Variants in ERC2 observed in about 807,000 individuals in gnomAD.
ERC2 encodes the protein ERC protein 2.
In ERC2, 42 loss-of-function variants were observed where a neutral mutation model predicts 114.8. The ratio of observed to expected loss-of-function variants is 0.37; its 90% CI spans 0.29 to 0.47. The LOEUF (loss-of-function observed/expected upper bound fraction) is 0.47, where lower values mean the gene tolerates loss of function less well. Ranked by LOEUF, ERC2 falls within the 20% of genes least tolerant of loss-of-function variation. The pLI is 0.99. For synonymous variants in ERC2, 454 were observed against 425.5 expected, an observed-to-expected ratio of 1.07 and a Z score of -0.82; for missense variants, 939 against 1,150.7, an observed-to-expected ratio of 0.82 and a Z score of 2.66.
chr3:56,293,310 C>T (rs1427939714), intron 3 of ERC2, among the ~76,000 whole-genome samples: 1 of 152,190 alleles, frequency 6.6e-6, no homozygotes, highest in African/African-American at 2.4e-5. Context: ...TATCCTCTTG[C>T]TGTATTAGAG....
At chr3:56,061,899 GA>G (rs1452894174) in intron 7 of ERC2, among the ~76,000 whole-genome samples, 1 of 152,052 alleles carries the variant, frequency 6.6e-6, no homozygotes, top group Admixed American at 6.6e-5. Context: ...TAATGCAAAG[GA>G]AAATTAGCTG....
rs537637512 is a variant in ERC2 at position 55,750,304 on chromosome 3, T to G, written c.2565-15386A>C. 2.6e-5 allele frequency among the ~76,000 whole-genome samples: 4 copies of G among 152,336 alleles called. No individual in the cohort carries two copies. In the South Asian group the frequency reaches 8.3e-4, roughly 32 times the overall value. ...ATGTATAAGCAAGGCATAAGTAAAG[T>G]ACGTTGTTTCATTTAGTCTGCTCAA... On this transcript the variant is annotated intron_variant, in intron 14 of 17. Coordinates refer to ENST00000288221, the MANE Select transcript of ERC2 (RefSeq NM_015576.3).
chr3:56,214,681 C>T (rs1575869675), intron 3 of ERC2, among the ~76,000 whole-genome samples: 2 of 152,028 alleles, frequency 1.3e-5, no homozygotes, highest in African/African-American at 4.8e-5. Context: ...AACTCCAAGA[C>T]ACATAATTGT....
At chr3:56,383,063 T>C (rs773934130) in intron 2 of ERC2, among the ~76,000 whole-genome samples, 1 of 152,066 alleles carries the variant, frequency 6.6e-6, no homozygotes, top group Non-Finnish European at 1.5e-5. Context: ...TCAGTAAATC[T>C]ACCCAGCTTT....
intron 2 of ERC2, among the ~76,000 whole-genome samples, chr3:56,398,626 G>A (rs2060404523): frequency 6.6e-6 from 1 of 151,378 alleles, no homozygotes; most frequent in African/African-American, 2.4e-5. Context: ...TATATATATA[G>A]TTTGTTTGTT....
intron 16 of ERC2, among the ~76,000 whole-genome samples, chr3:55,698,851 C>T (rs763473928): frequency 2.0e-5 from 3 of 152,140 alleles, no homozygotes; most frequent in East Asian, 1.9e-4. Context: ...TTTTCACATG[C>T]GTTACTTAGT....
rs1367911530 is a variant in ERC2 at position 56,020,650 on chromosome 3, A to G, written c.1642-1619T>C. On this transcript the variant is annotated intron_variant, in intron 7 of 17. Transcript: ENST00000288221. ...CTGACTCTTGGAAACAGTGTATGTT[A>G]TTACTTTGAATACACCCATGGATAC... Among the ~76,000 whole-genome samples the G allele has an allele frequency of 2.0e-5, 3 of 152,198 alleles. No homozygotes were observed. The East Asian group carries it at 5.8e-4, about 29-fold the overall frequency.
chr3:56,268,129 A>G (rs547783283), intron 3 of ERC2, among the ~76,000 whole-genome samples: 39 of 152,352 alleles, frequency 2.6e-4, no homozygotes, highest in African/African-American at 8.7e-4. Flanking sequence ...CACTAGTACC[A>G]TATGATTATA....
In ERC2 at chr3:56,012,991, C is replaced by G. The variant is rs189251393; in HGVS notation, c.1780-2402G>C. Among the ~76,000 whole-genome samples the G allele has an allele frequency of 1.5e-4, 23 of 152,278 alleles. No individual in the cohort carries two copies. The East Asian group carries it at 4.1e-3, about 27-fold the overall frequency. The stretch of plus-strand genomic sequence containing the variant: ...AGGGTGGGAACTAAATTACAGTGGC[C>G]TCCAGCTCCACTATCTGGCTTTCTC... On this transcript the variant is annotated intron_variant, in intron 8 of 17. Coordinates refer to ENST00000288221, the MANE Select transcript of ERC2 (RefSeq NM_015576.3).
At chr3:56,214,193 C>T (rs2049284656) in intron 3 of ERC2, among the ~76,000 whole-genome samples, 1 of 152,148 alleles carries the variant, frequency 6.6e-6, no homozygotes, top group Admixed American at 6.5e-5. Flanking sequence ...TCAAACTTCT[C>T]CGAGCTAAAG....
intron 2 of ERC2, among the ~76,000 whole-genome samples, chr3:56,299,743 T>G (rs2055736708): frequency 1.3e-5 from 2 of 152,192 alleles, no homozygotes; most frequent in South Asian, 4.1e-4. Context: ...ATTTAAATAT[T>G]CTTGACCATG....
chr3:56,323,503 C>T (rs1051424571), intron 2 of ERC2, among the ~76,000 whole-genome samples: 7 of 152,168 alleles, frequency 4.6e-5, no homozygotes, highest in African/African-American at 1.7e-4. Flanking sequence ...ACTGCAGCCT[C>T]ATGAAGGACC....
intron 17 of ERC2, among the ~76,000 whole-genome samples, chr3:55,533,667 G>A (rs576776866): frequency 6.6e-6 from 1 of 152,320 alleles, no homozygotes; most frequent in African/African-American, 2.4e-5. Flanking sequence ...TGGGGCTGGT[G>A]TGGAGAGATC....
chr3:55,879,582 C>T (rs912457116), intron 14 of ERC2, among the ~76,000 whole-genome samples: 2 of 152,150 alleles, frequency 1.3e-5, no homozygotes, highest in Non-Finnish European at 2.9e-5. Flanking sequence ...CCATGGTACC[C>T]AGAAATGAAC....
intron 3 of ERC2, among the ~76,000 whole-genome samples, chr3:56,212,051 C>A (rs1047329389): frequency 1.3e-5 from 2 of 151,878 alleles, no homozygotes; most frequent in African/African-American, 4.8e-5. Flanking sequence ...ACTTCATGAC[C>A]AAGAACCCAA....
intron 6 of ERC2, among the ~76,000 whole-genome samples, chr3:56,107,698 G>A (rs1262822073): frequency 6.6e-6 from 1 of 152,004 alleles, no homozygotes; most frequent in East Asian, 1.9e-4. Context: ...ATAAAACAGG[G>A]AAAACTAAGT....
intron 6 of ERC2, among the ~76,000 whole-genome samples, chr3:56,111,312 CCT>C (rs1452053393): frequency 1.3e-5 from 2 of 148,852 alleles, no homozygotes; most frequent in Admixed American, 1.3e-4. Flanking sequence ...TCTCTCTCTC[CCT>C]CTTTCTCTCT....
At position 56,404,470 on chromosome 3, in the gene ERC2, T is replaced by C. The variant is rs2060634692; in HGVS notation, c.657+29881A>G. The stretch of plus-strand genomic sequence containing the variant: ...AAATCGAAGATATGCAGGGCATTAG[T>C]GGGTACAAAAAATAGAAAAAAATGA... On this transcript the variant is annotated intron_variant, in intron 2 of 17. Transcript: ENST00000288221. Among the ~76,000 whole-genome samples the C allele has an allele frequency of 3.3e-5, 5 of 152,122 alleles. No homozygotes were observed. In the South Asian group the frequency reaches 1.0e-3, roughly 32 times the overall value.
At chr3:56,397,479 AATTGTAGCATGCAC>A (rs1420230105) in intron 2 of ERC2, among the ~76,000 whole-genome samples, 3 of 152,228 alleles carry the variant, frequency 2.0e-5, no homozygotes, top group African/African-American at 7.2e-5. Context: ...TCCTTATGTA[AATTGTAGCATGCAC>A]TCTGTTCTGT....
Sources: gnomAD v4.1 joint callset for allele counts (sites outside exome capture counted in the v4.1 genomes callset) on GRCh38, gnomAD v4.1.1 for gene constraint, MANE v1.5 for transcripts, NCBI Gene and HGNC (gene_info 2026-07-23, HGNC 2026-07-21) for gene names.